The following ATG9A variants were observed in gnomAD, a reference collection of about 807,000 sequenced individuals.
ATG9A encodes the protein autophagy-related protein 9A.
ATG9A carries 21 observed loss-of-function variants against 87.1 expected under a neutral mutation model. The ratio of observed to expected loss-of-function variants is 0.24; its 90% CI spans 0.17 to 0.35. The LOEUF (loss-of-function observed/expected upper bound fraction) is 0.35, where lower values mean the gene tolerates loss of function less well. Among genes scored for constraint, ATG9A ranks in the 10% least tolerant of loss-of-function variants. ATG9A has a pLI of 1.00. For synonymous variants in ATG9A, 422 were observed against 441.3 expected (o/e 0.96, Z 0.55); for missense variants, 836 against 1,107.3 (o/e 0.76, Z 3.48).
Position 219,223,702 on chromosome 2 carries a change from C to T in ATG9A, c.1482G>A (p.Leu494=), listed in dbSNP as rs1950809154. The T allele has an allele frequency of 1.2e-6, 2 of 1,613,750 alleles. No individual in the cohort carries two copies. Among genetic ancestry groups the T allele is most frequent in the Non-Finnish European group, 1.7e-6 (2 of 1,179,958 alleles). The change falls in exon 10 of 16, where the codon CTG becomes CTA. Residue 494 remains leucine, a synonymous_variant. Transcript: ENST00000361242. The surrounding 1 kb of genome is among the most constrained non-coding windows in gnomAD (Gnocchi z 4.7). ...CTATAATCTCCAGGGCCCGTGGGCGCAGGCAGAAGATGAGGATGAGGGGTG... is the reference window on the plus strand; with the variant it reads ...CTATAATCTCCAGGGCCCGTGGGCGTAGGCAGAAGATGAGGATGAGGGGTG... ...IVTPLILIFC[L]RPRALEIIDF...
rs1343213493 is a variant in ATG9A at position 219,223,884 on chromosome 2, G to A, written c.1404C>T (p.Leu468=). ...RSQTRDEFAQ[L]FQYKAVFILE... ...CTCCACTCACTGCCTTGTACTGGAA[G>A]AGCTGGGCAAACTCGTCCCGGGTCT... The change falls in exon 9 of 16, where the codon CTC becomes CTT. Residue 468 remains leucine (L), a synonymous_variant. Coordinates refer to ENST00000361242, the MANE Select transcript of ATG9A (RefSeq NM_001077198.3). This position sits in a 1 kb window ranked among gnomAD's most constrained non-coding sequence, Gnocchi z 4.7. 1.9e-6 allele frequency: 3 copies of A among 1,614,184 alleles called. No individual in the cohort carries two copies. The South Asian group carries it at 3.3e-5, about 18-fold the overall frequency.
chr2:219,223,717 G>C lies in ATG9A; in HGVS notation c.1467C>G (p.Ile489Met). 2 of 1,613,788 alleles carry C rather than the reference G, an allele frequency of 1.2e-6. No homozygotes were observed. The highest frequency in any genetic ancestry group is 1.7e-6 in the Non-Finnish European group (2 of 1,179,924). ...CCCGTGGGCGCAGGCAGAAGATGAG[G>C]ATGAGGGGTGTGACAATGGGGCTCA... is the stretch of plus-strand genomic sequence containing the variant. ...ELLSPIVTPL[I>M]LIFCLRPRAL... Residue 489 changes from isoleucine to methionine, a missense_variant, in exon 10 of 16, where the codon ATC becomes ATG. Coordinates refer to ENST00000361242, the MANE Select transcript of ATG9A (RefSeq NM_001077198.3). The surrounding 1 kb of genome is among the most constrained non-coding windows in gnomAD (Gnocchi z 4.7).
Position 219,223,689 on chromosome 2 carries a change from G to A in ATG9A, c.1495C>T (p.Leu499=), listed in dbSNP as rs746739977. ...ILIFCLRPRA[L]EIIDFFRNFT... ...TTTCGGAAGAAGTCTATAATCTCCA[G>A]GGCCCGTGGGCGCAGGCAGAAGATG... Residue 499 remains leucine (L), a synonymous_variant, in exon 10 of 16, where the codon CTG becomes TTG. Coordinates refer to ENST00000361242, the MANE Select transcript of ATG9A (RefSeq NM_001077198.3). This position sits in a 1 kb window ranked among gnomAD's most constrained non-coding sequence, Gnocchi z 4.7. 1 of 1,613,810 alleles carries A rather than the reference G, an allele frequency of 6.2e-7. No individual in the cohort carries two copies.
At position 219,219,928 on chromosome 2, in the gene ATG9A, T is replaced by C. The variant is rs1049261892; in HGVS notation, c.*519A>G. On this transcript the variant is annotated 3_prime_UTR_variant, in exon 16 of 16. Transcript: ENST00000361242. ...GCAAGCAGCACACACAGGCCAGTGA[T>C]GTGCAAGAAGCGGAGAGAGGTGAGC... is the stretch of plus-strand genomic sequence containing the variant. The C allele has an allele frequency of 2.9e-5, 5 of 171,182 alleles. No individual in the cohort carries two copies. The highest frequency in any genetic ancestry group is 1.2e-4 in the African/African-American group (5 of 42,038). 10.6% of individuals were successfully genotyped at this position (171,182 alleles called of 1,614,324 possible).
In ATG9A at chr2:219,220,864, A is replaced by G. The variant is rs1950741632; in HGVS notation, c.2397T>C (p.Ser799=). 1 of 1,613,300 alleles carries G rather than the reference A, an allele frequency of 6.2e-7. No individual in the cohort carries two copies. The highest frequency in any genetic ancestry group is 1.1e-5 in the South Asian group (1 of 91,060). Residue 799 remains serine, a synonymous_variant, in exon 15 of 16, where the codon TCT becomes TCC. Coordinates refer to ENST00000361242, the MANE Select transcript of ATG9A (RefSeq NM_001077198.3). Reference sequence around the variant, plus strand: ...CTCCAAGAGGCAGCCGAGAGAAATGAGAGGGAACCCTGGGCACTGTGCCAG... The same window carrying G: ...CTCCAAGAGGCAGCCGAGAGAAATGGGAGGGAACCCTGGGCACTGTGCCAG... ...TDPGTVPRVP[S]HFSRLPLGGW... is the part of the protein sequence containing the mutation.
rs900483654 is a variant in ATG9A at position 219,225,128 on chromosome 2, G to C, written c.459C>G (p.Asn153Lys). The C allele has an allele frequency of 4.5e-5, 72 of 1,614,070 alleles. No individual in the cohort carries two copies. Among genetic ancestry groups the C allele is most frequent in the Middle Eastern group, 3.3e-4 (2 of 6,084 alleles). Residue 153 changes from asparagine (N) to lysine (K), a missense_variant, in exon 7 of 16, where the codon AAC becomes AAG. Coordinates refer to ENST00000361242, the MANE Select transcript of ATG9A (RefSeq NM_001077198.3). ...WIHRLIKFIY[N>K]ICCYWEIHSF... ...AGTGGATCTCCCAGTAGCAGCAAAT[G>C]TTATAGATGAACTTGATAAGCCGGT...
At position 219,223,519 on chromosome 2, in the gene ATG9A, T is replaced by C; in HGVS notation, c.1599+66A>G. On this transcript the variant is annotated intron_variant, in intron 10 of 15. Coordinates refer to ENST00000361242, the MANE Select transcript of ATG9A (RefSeq NM_001077198.3). The surrounding 1 kb of genome is among the most constrained non-coding windows in gnomAD (Gnocchi z 4.7). ...ACTCAGGAGAGGTGTCTTTTTGCGG[T>C]TTTCCCAAAGACACTGTATGTTCCA... 2 of 1,504,958 alleles carry C rather than the reference T, an allele frequency of 1.3e-6. No individual in the cohort carries two copies. The highest frequency in any genetic ancestry group is 2.7e-5 in the South Asian group (2 of 75,362). 93.2% of individuals were successfully genotyped at this position (1,504,958 alleles called of 1,614,324 possible).
chr2:219,227,630 CCAGCCTCTTTCAGCCTCAGGAT>C (rs2106446277), intron 4 of ATG9A, 118 bp downstream of exon 4: 1 of 983,352 alleles, frequency 1.0e-6, no homozygotes, highest in South Asian at 1.5e-5. Flanking sequence ...GATGATTTCA[CCAGCCTCTTTCAGCCTCAGGAT>C]GAGCTCCATT....
rs1950832231 is a variant in ATG9A, at chr2:219,224,968, T to C, written c.516+103A>G. On this transcript the variant is annotated intron_variant, in intron 7 of 15. Coordinates refer to ENST00000361242, the MANE Select transcript of ATG9A (RefSeq NM_001077198.3). The surrounding 1 kb of genome is among the most constrained non-coding windows in gnomAD (Gnocchi z 7.7). Reference sequence around the variant, plus strand: ...GGTTGTGAGCTTAAGAGACAGTTCCTGATTTGTCAATGACAGATAAGGATA... The same window carrying C: ...GGTTGTGAGCTTAAGAGACAGTTCCCGATTTGTCAATGACAGATAAGGATA... 2 of 1,576,322 alleles carry C rather than the reference T, an allele frequency of 1.3e-6. No homozygotes were observed. The highest frequency in any genetic ancestry group is 2.2e-5 in the East Asian group (1 of 44,536).
Position 219,225,671 on chromosome 2 carries a change from G to A in ATG9A, c.213-99C>T, listed in dbSNP as rs1329259074. 8 of 1,337,660 alleles carry A rather than the reference G, an allele frequency of 6.0e-6. No homozygotes were observed. In the African/African-American group the frequency reaches 1.0e-4, roughly 17 times the overall value. The allele number at this position is 1,337,660 out of a possible 1,614,324, so 82.9% of individuals were successfully genotyped here. A position where few individuals can be genotyped will look rare whatever the true frequency, so the allele number is the denominator to read the frequency against. On this transcript the variant is annotated intron_variant, in intron 5 of 15. Transcript: ENST00000361242. ...GTCTGGAGGTGGCAGAACAAGACTG[G>A]GAACTGGAAGGGCCTGGAGAACTCC...
chr2:219,226,861 ATACT>A lies in ATG9A; in HGVS notation c.212+4_212+7del. On this transcript the variant is annotated splice_donor_5th_base_variant and intron_variant, in intron 5 of 15. Transcript: ENST00000361242. ...TTCACCACATCATCTGTCCCTTCTT[ATACT>A]TACATGAGCTCAAAGATCTCCCCGA... is the stretch of plus-strand genomic sequence containing the variant. The A allele has an allele frequency of 6.2e-7, 1 of 1,608,530 alleles. No individual in the cohort carries two copies. The highest frequency in any genetic ancestry group is 8.5e-7 in the Non-Finnish European group (1 of 1,174,834).
chr2:219,220,355 A>G lies in ATG9A; in HGVS notation c.*92T>C. The G allele has an allele frequency of 6.6e-7, 1 of 1,509,736 alleles. No homozygotes were observed. Among genetic ancestry groups the G allele is most frequent in the Non-Finnish European group, 9.2e-7 (1 of 1,092,310 alleles). 93.5% of individuals were successfully genotyped at this position (1,509,736 alleles called of 1,614,324 possible). A position where few individuals can be genotyped will look rare whatever the true frequency, so the allele number is the denominator to read the frequency against. ...AACACCACACACGTGGGGCCAGGGA[A>G]CACTCAGAGGAGCCGTCCCATGGCA... On this transcript the variant is annotated 3_prime_UTR_variant, in exon 16 of 16. Coordinates refer to ENST00000361242, the MANE Select transcript of ATG9A (RefSeq NM_001077198.3).
Position 219,228,136 on chromosome 2 carries a change from A to C in ATG9A, c.-29-83T>G, listed in dbSNP as rs2106447535. 3.1e-6 allele frequency: 3 copies of C among 955,914 alleles called. No individual in the cohort carries two copies. In the East Asian group the frequency reaches 7.8e-5, roughly 25 times the overall value. The allele number at this position is 955,914 out of a possible 1,614,324, so 59.2% of individuals were successfully genotyped here. A position where few individuals can be genotyped will look rare whatever the true frequency, so the allele number is the denominator to read the frequency against. On this transcript the variant is annotated intron_variant, in intron 2 of 15. Transcript: ENST00000361242. Reference sequence around the variant, plus strand: ...GCCCTGCCTACTGCCAAAAGGAGAAAGTACCCTTGGGCTTTGTCCACTACC... The same window carrying C: ...GCCCTGCCTACTGCCAAAAGGAGAACGTACCCTTGGGCTTTGTCCACTACC...
intron 15 of ATG9A, 23 bp from the exon 16 acceptor site, chr2:219,220,475 ATG>A (rs1559242067): frequency 1.2e-6 from 2 of 1,613,604 alleles, no homozygotes; most frequent in South Asian, 2.2e-5. Flanking sequence ...AGGGTTGGTA[ATG>A]GAGATAGTCT....
At position 219,222,825 on chromosome 2, in the gene ATG9A, T is replaced by A; in HGVS notation, c.1668A>T (p.Ser556=). The change falls in exon 11 of 16, where the codon TCA becomes TCT. Residue 556 remains serine (S), a synonymous_variant. Coordinates refer to ENST00000361242, the MANE Select transcript of ATG9A (RefSeq NM_001077198.3). The surrounding 1 kb of genome is among the most constrained non-coding windows in gnomAD (Gnocchi z 4.3). ...QQAEDGKTEL[S]LMHFAITNPG... is the part of the protein sequence containing the mutation. Reference sequence around the variant, plus strand: ...GGTTGGTGATGGCAAAGTGCATGAGTGACAACTCTGTCTTTCCATCCTCAG... The same window carrying A: ...GGTTGGTGATGGCAAAGTGCATGAGAGACAACTCTGTCTTTCCATCCTCAG... 1.2e-6 allele frequency: 2 copies of A among 1,614,152 alleles called. No homozygotes were observed. Among genetic ancestry groups the A allele is most frequent in the Non-Finnish European group, 1.7e-6 (2 of 1,180,028 alleles).
At position 219,221,268 on chromosome 2, in the gene ATG9A, C is replaced by T. The variant is rs1950753741; in HGVS notation, c.2180G>A (p.Arg727Gln). 12 of 1,569,936 alleles carry T rather than the reference C, an allele frequency of 7.6e-6. No individual in the cohort carries two copies. Among genetic ancestry groups the T allele is most frequent in the Non-Finnish European group, 7.8e-6 (9 of 1,158,944 alleles). ...HKQQAQAEPE[R>Q]HVWHRRESDE... ...ACTCTCCCGGCGGTGCCATACATGC[C>T]GCTCAGGTTCAGCCTGGGCCTGCTG... Residue 727 changes from arginine (R) to glutamine (Q), a missense_variant, in exon 14 of 16, where the codon CGG (arginine) becomes CAG (glutamine). Around this residue, in one of 2 missense-constraint regions of ATG9A, gnomAD observed 324 missense variants for 347.6 expected, o/e 0.93. Coordinates refer to ENST00000361242, the MANE Select transcript of ATG9A (RefSeq NM_001077198.3).
At position 219,225,491 on chromosome 2, in the gene ATG9A, C is replaced by T. The variant is rs373266636; in HGVS notation, c.294G>A (p.Val98=). The T allele has an allele frequency of 1.9e-5, 31 of 1,614,058 alleles. No homozygotes were observed. The African/African-American group carries it at 3.3e-4, about 17-fold the overall frequency. ...DYDILFANKM[V]NHSLHPTEPV... Reference sequence around the variant, plus strand: ...GTTCAGTAGGGTGAAGACTGTGGTTCACCATCTTGTTGGCAAATAGGATGT... The same window carrying T: ...GTTCAGTAGGGTGAAGACTGTGGTTTACCATCTTGTTGGCAAATAGGATGT... Residue 98 remains valine, a synonymous_variant, in exon 6 of 16, where the codon GTG becomes GTA. Transcript: ENST00000361242.
Position 219,224,744 on chromosome 2 carries a change from G to A in ATG9A, c.627C>T (p.Tyr209=). 6.2e-7 allele frequency: 1 copy of A among 1,614,226 alleles called. No homozygotes were observed. The highest frequency in any genetic ancestry group is 8.5e-7 in the Non-Finnish European group (1 of 1,180,046). The change falls in exon 8 of 16, where the codon TAC becomes TAT. Residue 209 remains tyrosine, a synonymous_variant. Transcript: ENST00000361242. The surrounding 1 kb of genome is among the most constrained non-coding windows in gnomAD (Gnocchi z 7.7). ...HKRELTELDI[Y]HRILRFQNYM... is the part of the protein sequence containing the mutation. ...AGTTCTGGAAACGGAGGATGCGGTGGTAGATGTCCAGTTCTGTCAGCTCAC... is the reference window on the plus strand; with the variant it reads ...AGTTCTGGAAACGGAGGATGCGGTGATAGATGTCCAGTTCTGTCAGCTCAC...
At position 219,224,834 on chromosome 2, in the gene ATG9A, C is replaced by T. The variant is rs373511038; in HGVS notation, c.537G>A (p.Thr179=). 171 of 1,611,772 alleles carry T rather than the reference C, an allele frequency of 1.1e-4. No individual in the cohort carries two copies. In the South Asian group the frequency reaches 1.7e-3, roughly 16 times the overall value. ...CGATCCGGGCCTGCACTTCTTGCCACGTGCAATACGGAAGGGCAGACTGCG... is the reference window on the plus strand; with the variant it reads ...CGATCCGGGCCTGCACTTCTTGCCATGTGCAATACGGAAGGGCAGACTGCG... ...RIPMSALPYC[T]WQEVQARIVQ... The change falls in exon 8 of 16, where the codon ACG becomes ACA. Residue 179 remains threonine (T), a synonymous_variant. Coordinates refer to ENST00000361242, the MANE Select transcript of ATG9A (RefSeq NM_001077198.3). The surrounding 1 kb of genome is among the most constrained non-coding windows in gnomAD (Gnocchi z 7.7).
Sources: allele counts gnomAD v4.1 joint callset, GRCh38; gene constraint gnomAD v4.1.1; regional missense constraint gnomAD v4.1.1; non-coding constraint Gnocchi (gnomAD v3.1); transcripts MANE v1.5; gene names NCBI Gene and HGNC (gene_info 2026-07-23, HGNC 2026-07-21).